PTPN4: variants seen among roughly 807,000 people sequenced by gnomAD.
PTPN4 encodes tyrosine-protein phosphatase non-receptor type 4.
A neutral mutation model predicts 135.5 loss-of-function variants in PTPN4; 49 were observed. The ratio of observed to expected loss-of-function variants is 0.36; its 90% CI spans 0.29 to 0.46. PTPN4 has a LOEUF of 0.46. Ranked by LOEUF, PTPN4 falls within the 20% of genes least tolerant of loss-of-function variation. The pLI, the probability that PTPN4 is intolerant of heterozygous loss-of-function variation, is 1.00. For synonymous variants in PTPN4, 333 were observed against 369.9 expected (o/e 0.90, Z 1.14); for missense variants, 860 against 1,101.0 (o/e 0.78, Z 3.10).
intron 12 of PTPN4, 24 bp downstream of exon 12, chr2:119,920,265 G>C (rs772278205): frequency 1.3e-5 from 20 of 1,558,528 alleles, no homozygotes; most frequent in Middle Eastern, 1.7e-4. Context: ...CTGTGTTAAG[G>C]CTTTATTGTT....
At chr2:119,864,949 T>G (rs548632432) in intron 3 of PTPN4, among the ~76,000 whole-genome samples, 1 of 152,126 alleles carries the variant, frequency 6.6e-6, no homozygotes, top group Admixed American at 6.6e-5. Context: ...CAAAAGAGGC[T>G]TTAGAGATTA....
chr2:119,858,503 A>AATT (rs1289089203), intron 2 of PTPN4, among the ~76,000 whole-genome samples: 1 of 152,168 alleles, frequency 6.6e-6, no homozygotes, highest in Non-Finnish European at 1.5e-5. Flanking sequence ...AAATACTCAA[A>AATT]TGTTTTATTA....
Position 119,809,986 on chromosome 2 carries a change from G to C in PTPN4, c.133G>C (p.Val45Leu), listed in dbSNP as rs1691550118. The C allele has an allele frequency of 6.2e-7, 1 of 1,604,322 alleles. No homozygotes were observed. Among genetic ancestry groups the C allele is most frequent in the Admixed American group, 1.7e-5 (1 of 57,214 alleles). Residue 45 changes from valine (V) to leucine (L), a missense_variant, in exon 2 of 27, where the codon GTC (valine) becomes CTC (leucine). Val to Leu is a conservative substitution (Grantham distance 32, BLOSUM62 1). This residue lies in a region of PTPN4 where 684 missense variants were observed against 807.0 expected (regional missense o/e 0.85). Coordinates refer to ENST00000263708, the MANE Select transcript of PTPN4 (RefSeq NM_002830.4). ...GGATAACACTGTACAAGCTTTCAAA[G>C]TCAATGTAAGTATTTTGTGTCTTTT... The part of the protein sequence containing the change: ...LLDNTVQAFK[V>L]NKHDQGQVLL...
At chr2:119,970,116 A>G (rs1359075076) in intron 26 of PTPN4, among the ~76,000 whole-genome samples, 1 of 151,324 alleles carries the variant, frequency 6.6e-6, no homozygotes, top group Non-Finnish European at 1.5e-5. Flanking sequence ...CTGGAGTGCA[A>G]TGGCATGATC....
intron 15 of PTPN4, among the ~76,000 whole-genome samples, chr2:119,943,266 T>C (rs1301829492): frequency 6.6e-6 from 1 of 152,202 alleles, no homozygotes; most frequent in East Asian, 1.9e-4. Context: ...ACTAGGTGTC[T>C]AGCAGCCAAC....
At chr2:119,876,707 A>C (rs1023181621) in intron 3 of PTPN4, among the ~76,000 whole-genome samples, 1 of 152,158 alleles carries the variant, frequency 6.6e-6, no homozygotes, top group Admixed American at 6.5e-5. Flanking sequence ...GAAACTGCTT[A>C]AAATTTCTCA....
chr2:119,774,477 A>G (rs1558721351), intron 1 of PTPN4, among the ~76,000 whole-genome samples: 1 of 152,226 alleles, frequency 6.6e-6, no homozygotes, highest in African/African-American at 2.4e-5. Context: ...TTTATCTCAC[A>G]TTGAAAATGC....
chr2:119,834,824 T>C (rs1358915089), intron 2 of PTPN4, among the ~76,000 whole-genome samples: 1 of 152,202 alleles, frequency 6.6e-6, no homozygotes, highest in Non-Finnish European at 1.5e-5. Context: ...TAGGGTTGTT[T>C]TCATGATTAA....
chr2:119,941,857 G>A (rs1679066483), intron 15 of PTPN4, among the ~76,000 whole-genome samples: 1 of 152,090 alleles, frequency 6.6e-6, no homozygotes, highest in Non-Finnish European at 1.5e-5. Flanking sequence ...TCAAATACCT[G>A]TAGTCTTGCA....
chr2:119,871,741 T>G (rs72836857), intron 3 of PTPN4, among the ~76,000 whole-genome samples: 3,660 of 152,298 alleles, frequency 0.024, 65 homozygotes, highest in Non-Finnish European at 0.033. Context: ...ATGTTTTATA[T>G]TGATACTGTT....
At chr2:119,795,040 G>A (rs1691227290) in intron 1 of PTPN4, among the ~76,000 whole-genome samples, 1 of 152,112 alleles carries the variant, frequency 6.6e-6, no homozygotes, top group Admixed American at 6.5e-5. Flanking sequence ...AGTTCTTCTT[G>A]GCTGCTGGTT....
chr2:119,971,880 C>T (rs529439783), intron 26 of PTPN4, among the ~76,000 whole-genome samples: 1 of 152,352 alleles, frequency 6.6e-6, no homozygotes, highest in African/African-American at 2.4e-5. Context: ...CTTGTCCCAG[C>T]ACCATTTGTT....
At chr2:119,765,985 C>T (rs952878766) in intron 1 of PTPN4, among the ~76,000 whole-genome samples, 2 of 151,236 alleles carry the variant, frequency 1.3e-5, no homozygotes, top group African/African-American at 4.9e-5. Flanking sequence ...TTGTGAGGGT[C>T]CTTGTGTTTG....
At chr2:119,787,996 G>C (rs1044202306) in intron 1 of PTPN4, among the ~76,000 whole-genome samples, 1 of 152,096 alleles carries the variant, frequency 6.6e-6, no homozygotes, top group African/African-American at 2.4e-5. Context: ...TAAATTAAGT[G>C]TTGAAATCTT....
intron 9 of PTPN4, among the ~76,000 whole-genome samples, chr2:119,894,726 G>A (rs1193755753): frequency 6.6e-6 from 1 of 151,900 alleles, no homozygotes; most frequent in East Asian, 1.9e-4. Context: ...GTTCCCCAAA[G>A]GAATAATTTT....
intron 20 of PTPN4, among the ~76,000 whole-genome samples, chr2:119,955,712 C>T (rs560814877): frequency 6.6e-6 from 1 of 151,876 alleles, no homozygotes. Flanking sequence ...CCGAGGCGGG[C>T]GGATCACAAG....
chr2:119,893,466 G>A (rs1049759612), intron 9 of PTPN4, among the ~76,000 whole-genome samples: 4 of 152,182 alleles, frequency 2.6e-5, no homozygotes, highest in African/African-American at 4.8e-5. Flanking sequence ...AAGAGGGGTA[G>A]GCAATTCAAT....
intron 2 of PTPN4, among the ~76,000 whole-genome samples, chr2:119,853,899 A>T (rs140628093): frequency 6.6e-6 from 1 of 152,328 alleles, no homozygotes; most frequent in African/African-American, 2.4e-5. Context: ...CAACACGGAC[A>T]CATGTGGCAT....
chr2:119,976,308 T>C (rs1558780547), intron 26 of PTPN4, among the ~76,000 whole-genome samples: 1 of 152,168 alleles, frequency 6.6e-6, no homozygotes, highest in Non-Finnish European at 1.5e-5. Flanking sequence ...AGAAACTATT[T>C]TTAAAATAAT....
Sources: allele counts gnomAD v4.1 joint callset (sites outside exome capture counted in the v4.1 genomes callset), GRCh38; gene constraint gnomAD v4.1.1; regional missense constraint gnomAD v4.1.1; transcripts MANE v1.5; gene names NCBI Gene and HGNC (gene_info 2026-07-23, HGNC 2026-07-21).